The following ANKS1A variants were observed in gnomAD, a reference collection of about 807,000 sequenced individuals.
ANKS1A encodes ankyrin repeat and sterile alpha motif domain containing 1A, also known as ankyrin repeat and SAM domain-containing protein 1A.
ANKS1A carries 55 observed loss-of-function variants against 120.3 expected under a neutral mutation model. That is an observed-to-expected ratio of 0.46 (90% confidence interval 0.37 to 0.57). The LOEUF (loss-of-function observed/expected upper bound fraction) is 0.57. Ranked by LOEUF, ANKS1A falls within the 20% of genes least tolerant of loss-of-function variation. The pLI, the probability that ANKS1A is intolerant of heterozygous loss-of-function variation, is 0.00. For synonymous variants in ANKS1A, 590 were observed against 604.7 expected (o/e 0.98, Z 0.36); for missense variants, 1,123 against 1,480.3 (o/e 0.76, Z 3.96).
chr6:34,994,559 G>T, intron 10 of ANKS1A, 137 bp downstream of exon 10: 1 of 1,326,942 alleles, frequency 7.5e-7, no homozygotes, highest in South Asian at 1.4e-5. Flanking sequence ...GATCTGGGAT[G>T]GTGGGTCCAT....
At chr6:34,998,458 A>G (rs1038883904) in intron 10 of ANKS1A, among the ~76,000 whole-genome samples, 3 of 152,216 alleles carry the variant, frequency 2.0e-5, no homozygotes, top group Admixed American at 2.0e-4. Context: ...GAACAGACCC[A>G]AAACCAAGGA....
chr6:34,896,916 A>T (rs2048178964), intron 1 of ANKS1A, among the ~76,000 whole-genome samples: 1 of 152,208 alleles, frequency 6.6e-6, no homozygotes, highest in African/African-American at 2.4e-5. Flanking sequence ...GTGAGCCAAG[A>T]TCGTGCCATT....
Position 34,889,677 on chromosome 6 carries a change from G to C in ANKS1A, c.197+78G>C, listed in dbSNP as rs990675236. 1 of 1,207,066 alleles carries C rather than the reference G, an allele frequency of 8.3e-7. No homozygotes were observed. The highest frequency in any genetic ancestry group is 1.0e-6 in the Non-Finnish European group (1 of 972,156). 74.8% of individuals were successfully genotyped at this position (1,207,066 alleles called of 1,614,324 possible). A position where few individuals can be genotyped will look rare whatever the true frequency, so the allele number is the denominator to read the frequency against. ...CGTCTCTTGGGTCCCCAGAGAGATC[G>C]GGGGTCCTGAGACTCGGGCGGGGTG... On this transcript the variant is annotated intron_variant, in intron 1 of 23. Coordinates refer to ENST00000360359, the MANE Select transcript of ANKS1A (RefSeq NM_015245.3). This position sits in a 1 kb window ranked among gnomAD's most constrained non-coding sequence, Gnocchi z 5.5.
At chr6:34,998,763 C>T (rs1021531753) in intron 10 of ANKS1A, among the ~76,000 whole-genome samples, 2 of 152,168 alleles carry the variant, frequency 1.3e-5, no homozygotes, top group African/African-American at 4.8e-5. Context: ...TGCTGATGCT[C>T]CCAGCTGATT....
At chr6:34,996,239 C>T (rs1322760258) in intron 10 of ANKS1A, among the ~76,000 whole-genome samples, 1 of 152,046 alleles carries the variant, frequency 6.6e-6, no homozygotes, top group African/African-American at 2.4e-5. Flanking sequence ...TCCTTAATAT[C>T]TAATTAAATG....
rs1298994956 is a variant in ANKS1A at position 34,994,330 on chromosome 6, G to C, written c.1331G>C (p.Gly444Ala). The change falls in exon 10 of 24, where the codon GGG becomes GCG. Residue 444 changes from glycine to alanine, a missense_variant. Gly to Ala is a moderately conservative substitution (Grantham distance 60). This residue lies in a region of ANKS1A where 904 missense variants were observed against 1,130.4 expected (regional missense o/e 0.80). Coordinates refer to ENST00000360359, the MANE Select transcript of ANKS1A (RefSeq NM_015245.3). Reference sequence around the variant, plus strand: ...CTGTCCATGAGACCTAGGATTCATGGGAGTGCAGCCCGGGAAGAAGACGAA... The same window carrying C: ...CTGTCCATGAGACCTAGGATTCATGCGAGTGCAGCCCGGGAAGAAGACGAA... Reference protein sequence around the residue: ...EVLSMRPRIHGSAAREEDEHP... With the variant: ...EVLSMRPRIHASAAREEDEHP... The C allele has an allele frequency of 3.1e-6, 5 of 1,613,450 alleles. No individual in the cohort carries two copies. Among genetic ancestry groups the C allele is most frequent in the Non-Finnish European group, 4.2e-6 (5 of 1,179,654 alleles).
chr6:35,026,105 T>A (rs753440597), intron 11 of ANKS1A, among the ~76,000 whole-genome samples: 1 of 152,218 alleles, frequency 6.6e-6, no homozygotes, highest in Non-Finnish European at 1.5e-5. Flanking sequence ...TCCATACAAA[T>A]GCTGAGAATC....
chr6:34,969,911 G>A, intron 2 of ANKS1A, 99 bp from the exon 3 acceptor site: 1 of 1,402,390 alleles, frequency 7.1e-7, no homozygotes. Context: ...AGCCAAATGA[G>A]ATATCTGTGA....
At chr6:34,937,604 G>A (rs1348561857) in intron 1 of ANKS1A, among the ~76,000 whole-genome samples, 3 of 152,154 alleles carry the variant, frequency 2.0e-5, no homozygotes, top group Non-Finnish European at 4.4e-5. Flanking sequence ...GAGGAAGGCA[G>A]AAGAAACTGT....
At chr6:34,956,959 G>A (rs948694260) in intron 1 of ANKS1A, among the ~76,000 whole-genome samples, 7 of 152,060 alleles carry the variant, frequency 4.6e-5, no homozygotes, top group East Asian at 1.9e-4. Context: ...GCCCCTCCCC[G>A]TCCCTGGCCT....
Position 34,974,295 on chromosome 6 carries a change from T to G in ANKS1A, c.435+4129T>G, listed in dbSNP as rs375328230. Among the ~76,000 whole-genome samples the G allele has an allele frequency of 1.0e-4, 3 of 29,418 alleles. No individual in the cohort carries two copies. The East Asian group carries it at 3.4e-3, about 33-fold the overall frequency. The allele number at this position is 29,418 out of a possible 152,430, so 19.3% of individuals were successfully genotyped here. ...CCCTTCCCTTCCCCTTCCCCTTCCC[T>G]TCCCCTTCCCTTTCCCTTCCCCTTC... On this transcript the variant is annotated intron_variant, in intron 3 of 23. Coordinates refer to ENST00000360359, the MANE Select transcript of ANKS1A (RefSeq NM_015245.3).
At chr6:34,893,893 A>G (rs1056890007) in intron 1 of ANKS1A, among the ~76,000 whole-genome samples, 24 of 152,232 alleles carry the variant, frequency 1.6e-4, no homozygotes, top group Admixed American at 2.6e-4. Flanking sequence ...AATAAAGATT[A>G]AATTATGTTC....
chr6:34,925,573 C>T (rs1316506765), intron 1 of ANKS1A, among the ~76,000 whole-genome samples: 2 of 152,166 alleles, frequency 1.3e-5, no homozygotes, highest in African/African-American at 4.8e-5. Flanking sequence ...GGAGGAAGAG[C>T]CTCCTTGCCA....
chr6:34,903,307 C>T (rs1315230976), intron 1 of ANKS1A, among the ~76,000 whole-genome samples: 2 of 151,922 alleles, frequency 1.3e-5, no homozygotes, highest in Admixed American at 6.6e-5. Flanking sequence ...GCCCATAAAC[C>T]TCTGTATCTC....
intron 1 of ANKS1A, among the ~76,000 whole-genome samples, chr6:34,912,435 A>G (rs541543892): frequency 6.6e-6 from 1 of 151,962 alleles, no homozygotes; most frequent in Non-Finnish European, 1.5e-5. Context: ...CTCTCTCACT[A>G]TCCAACCTCA....
At chr6:34,979,314 G>A (rs931449434) in intron 3 of ANKS1A, among the ~76,000 whole-genome samples, 6 of 152,176 alleles carry the variant, frequency 3.9e-5, no homozygotes, top group Admixed American at 6.5e-5. Flanking sequence ...AGAGCTTATC[G>A]TGATGGCTTG....
At chr6:34,960,484 C>A (rs907808547) in intron 1 of ANKS1A, among the ~76,000 whole-genome samples, 3 of 152,112 alleles carry the variant, frequency 2.0e-5, no homozygotes, top group African/African-American at 7.2e-5. Context: ...GCTCCATAAA[C>A]AGGACCTCAT....
At chr6:35,075,940 T>C (rs1423408894) in intron 13 of ANKS1A, among the ~76,000 whole-genome samples, 6 of 152,144 alleles carry the variant, frequency 3.9e-5, no homozygotes, top group African/African-American at 1.2e-4. Context: ...TTTTTATTTT[T>C]GTAAAAACAG....
chr6:35,044,426 G>C lies in ANKS1A; in HGVS notation c.2011-9673G>C, dbSNP rs1032956999. Among the ~76,000 whole-genome samples, 6 of 152,264 alleles carry C rather than the reference G, an allele frequency of 3.9e-5. No individual in the cohort carries two copies. Among genetic ancestry groups the C allele is most frequent in the Admixed American group, 6.5e-5 (1 of 15,286 alleles). On this transcript the variant is annotated intron_variant, in intron 11 of 23. Coordinates refer to ENST00000360359, the MANE Select transcript of ANKS1A (RefSeq NM_015245.3). The surrounding 1 kb of genome is among the most constrained non-coding windows in gnomAD (Gnocchi z 4.4). ...AGTCTCAGGCATTTCACTACCTGCA[G>C]ACTCTGCCCTGTGGGAGCCAGCTCT...
Sources: gnomAD v4.1 joint callset for allele counts (sites outside exome capture counted in the v4.1 genomes callset) on GRCh38, gnomAD v4.1.1 for gene constraint, gnomAD v4.1.1 regional missense constraint, Gnocchi (gnomAD v3.1) non-coding constraint, MANE v1.5 for transcripts, NCBI Gene and HGNC (gene_info 2026-07-23, HGNC 2026-07-21) for gene names.